LRRC4C: variants seen among roughly 807,000 people sequenced by gnomAD.
LRRC4C encodes leucine-rich repeat-containing protein 4C.
In LRRC4C, 5 loss-of-function variants were observed where a neutral mutation model predicts 33.6. The observed-to-expected ratio is 0.15, with a 90% CI of 0.08 to 0.31. LRRC4C has a LOEUF of 0.31. LRRC4C is among the 10% of genes least tolerant of loss of function. LRRC4C has a pLI of 1.00. For synonymous variants in LRRC4C, 329 were observed against 302.0 expected (o/e 1.09, Z -0.93); for missense variants, 560 against 796.7 (o/e 0.70, Z 3.58).
chr11:40,726,528 A>T (rs1194968275), intron 2 of LRRC4C, among the ~76,000 whole-genome samples: 1 of 152,164 alleles, frequency 6.6e-6, no homozygotes, highest in Non-Finnish European at 1.5e-5. Context: ...TTCAATAGAT[A>T]CAGAAAAGCT....
At chr11:40,389,204 C>G (rs900909026) in intron 3 of LRRC4C, among the ~76,000 whole-genome samples, 1 of 152,044 alleles carries the variant, frequency 6.6e-6, no homozygotes, top group Non-Finnish European at 1.5e-5. Flanking sequence ...TCCCAGCAGG[C>G]ACATTAAACT....
At chr11:40,844,890 G>A (rs1953085516) in intron 2 of LRRC4C, among the ~76,000 whole-genome samples, 1 of 152,046 alleles carries the variant, frequency 6.6e-6, no homozygotes, top group South Asian at 2.1e-4. Context: ...GATAATGTAT[G>A]TGTTAATTAC....
chr11:40,392,632 T>C (rs1260559187), intron 3 of LRRC4C, among the ~76,000 whole-genome samples: 1 of 152,104 alleles, frequency 6.6e-6, no homozygotes, highest in African/African-American at 2.4e-5. Context: ...ATAGCTGTCA[T>C]CACAAACACT....
intron 1 of LRRC4C, among the ~76,000 whole-genome samples, chr11:41,184,299 A>T (rs1192391666): frequency 6.6e-6 from 1 of 151,760 alleles, no homozygotes; most frequent in Non-Finnish European, 1.5e-5. Flanking sequence ...AATTTTTCAA[A>T]CCTTTATGCT....
rs987907402 is a variant in LRRC4C at position 40,261,121 on chromosome 11, T to C, written c.-175-19523A>G. On this transcript the variant is annotated intron_variant, in intron 4 of 6. Coordinates refer to ENST00000528697, the MANE Select transcript of LRRC4C (RefSeq NM_001258419.2). Reference sequence around the variant, plus strand: ...GTATCAAACTCCTGACCTCAAGTGATCTTCCCACAGCACTGGGATTATAGG... The same window carrying C: ...GTATCAAACTCCTGACCTCAAGTGACCTTCCCACAGCACTGGGATTATAGG... Among the ~76,000 whole-genome samples the C allele has an allele frequency of 3.3e-5, 5 of 152,238 alleles. No homozygotes were observed. In the South Asian group the frequency reaches 1.0e-3, roughly 32 times the overall value.
chr11:41,133,110 T>A (rs1236048856), intron 1 of LRRC4C, among the ~76,000 whole-genome samples: 1 of 152,094 alleles, frequency 6.6e-6, no homozygotes, highest in Non-Finnish European at 1.5e-5. Context: ...CTCTGGGAGA[T>A]AAGAAAGGAA....
At chr11:40,654,790 A>T (rs1366585825) in intron 2 of LRRC4C, among the ~76,000 whole-genome samples, 1 of 152,134 alleles carries the variant, frequency 6.6e-6, no homozygotes, top group Admixed American at 6.5e-5. Flanking sequence ...GTTCCCACCC[A>T]AATCTCACCT....
intron 1 of LRRC4C, among the ~76,000 whole-genome samples, chr11:41,405,630 GT>G (rs1196281263): frequency 5.9e-5 from 9 of 152,042 alleles, no homozygotes; most frequent in Non-Finnish European, 1.2e-4. Flanking sequence ...CCCTACAGGG[GT>G]GCTTTATAGC....
chr11:40,677,125 C>A (rs779742927), intron 2 of LRRC4C, among the ~76,000 whole-genome samples: 16 of 152,054 alleles, frequency 1.1e-4, no homozygotes, highest in Non-Finnish European at 1.0e-4. Context: ...GTGGCTCATG[C>A]CTGTAATCAT....
intron 3 of LRRC4C, among the ~76,000 whole-genome samples, chr11:40,470,431 A>G (rs953021367): frequency 1.3e-5 from 2 of 152,172 alleles, no homozygotes. Flanking sequence ...ATGAGAAAAA[A>G]CCAGCTCAAA....
At chr11:40,820,844 C>T (rs1393613642) in intron 2 of LRRC4C, among the ~76,000 whole-genome samples, 1 of 151,568 alleles carries the variant, frequency 6.6e-6, no homozygotes, top group Non-Finnish European at 1.5e-5. Flanking sequence ...AACTAAAAGA[C>T]ATCTAGATTA....
chr11:40,983,076 A>C (rs1011344614), intron 1 of LRRC4C, among the ~76,000 whole-genome samples: 1 of 152,068 alleles, frequency 6.6e-6, no homozygotes, highest in Non-Finnish European at 1.5e-5. Flanking sequence ...GTCTATTATT[A>C]GTGGGCATTT....
chr11:40,267,307 C>T (rs915417423), intron 4 of LRRC4C, among the ~76,000 whole-genome samples: 10 of 152,144 alleles, frequency 6.6e-5, no homozygotes, highest in South Asian at 2.1e-4. Context: ...TCATTTCACA[C>T]ATTGAAGCTG....
At chr11:40,714,072 A>T (rs1385452803) in intron 2 of LRRC4C, among the ~76,000 whole-genome samples, 1 of 152,144 alleles carries the variant, frequency 6.6e-6, no homozygotes, top group Non-Finnish European at 1.5e-5. Context: ...CTTTGAAATG[A>T]TCCATATGAT....
chr11:40,261,064 G>C (rs899004892), intron 4 of LRRC4C, among the ~76,000 whole-genome samples: 18 of 151,916 alleles, frequency 1.2e-4, no homozygotes, highest in African/African-American at 4.4e-4. Flanking sequence ...AACTTTTGTT[G>C]TAGAGTAGGT....
intron 3 of LRRC4C, among the ~76,000 whole-genome samples, chr11:40,504,771 A>G (rs117005231): frequency 0.018 from 2,708 of 152,198 alleles, 45 homozygotes; most frequent in South Asian, 0.034. Flanking sequence ...ATTTCTCATC[A>G]ACATTTTATG....
At chr11:40,464,286 G>A (rs1310864273) in intron 3 of LRRC4C, among the ~76,000 whole-genome samples, 1 of 151,954 alleles carries the variant, frequency 6.6e-6, no homozygotes, top group East Asian at 1.9e-4. Context: ...ATCAATTGCT[G>A]AGAAAAACCC....
intron 1 of LRRC4C, among the ~76,000 whole-genome samples, chr11:41,187,797 C>T (rs753886700): frequency 4.6e-5 from 7 of 152,198 alleles, no homozygotes; most frequent in Non-Finnish European, 1.0e-4. Flanking sequence ...GGGGCCGGAG[C>T]ACCACAACCT....
intron 1 of LRRC4C, among the ~76,000 whole-genome samples, chr11:41,207,999 A>G (rs966310606): frequency 3.3e-5 from 5 of 152,222 alleles, no homozygotes; most frequent in African/African-American, 1.2e-4. Context: ...AAATATGTAC[A>G]TTAAGGTGAT....
Sources: gnomAD v4.1 joint callset for allele counts (sites outside exome capture counted in the v4.1 genomes callset) on GRCh38, gnomAD v4.1.1 for gene constraint, MANE v1.5 for transcripts, NCBI Gene and HGNC (gene_info 2026-07-23, HGNC 2026-07-21) for gene names.